GUCY1B1: variants seen among roughly 807,000 people sequenced by gnomAD.
The protein encoded by GUCY1B1 is guanylate cyclase soluble subunit beta-1.
In GUCY1B1, 43 loss-of-function variants were observed where a neutral mutation model predicts 71.0. That is an observed-to-expected ratio of 0.61 (90% CI 0.47 to 0.78). The LOEUF (loss-of-function observed/expected upper bound fraction) is 0.78. Among genes scored for constraint, GUCY1B1 ranks in the 30% least tolerant of loss-of-function variants. GUCY1B1 has a pLI of 0.00. For synonymous variants in GUCY1B1, 266 were observed against 259.7 expected (o/e 1.02, Z -0.23); for missense variants, 535 against 754.1 (o/e 0.71, Z 3.40).
chr4:155,799,027 G>A (rs1739762515), intron 8 of GUCY1B1, among the ~76,000 whole-genome samples: 1 of 152,138 alleles, frequency 6.6e-6, no homozygotes, highest in South Asian at 2.1e-4. Flanking sequence ...TGGTAGAGAC[G>A]CGTTTCACCA....
intron 1 of GUCY1B1, 60 bp downstream of exon 1, chr4:155,759,203 G>C (rs1240586078): frequency 1.3e-6 from 2 of 1,510,076 alleles, no homozygotes; most frequent in East Asian, 5.0e-5. Context: ...GCCTGGCAGC[G>C]AGGGAACTGG....
chr4:155,798,839 C>CATT (rs1554013335), intron 8 of GUCY1B1, among the ~76,000 whole-genome samples: 1 of 151,576 alleles, frequency 6.6e-6, no homozygotes, highest in Non-Finnish European at 1.5e-5. Flanking sequence ...GTTTTGTTGT[C>CATT]GTTGTTGTTG....
At chr4:155,772,104 T>C (rs1187064208) in intron 2 of GUCY1B1, among the ~76,000 whole-genome samples, 1 of 152,214 alleles carries the variant, frequency 6.6e-6, no homozygotes, top group Non-Finnish European at 1.5e-5. Context: ...ACAATGTTTG[T>C]ATATTACGTT....
intron 8 of GUCY1B1, among the ~76,000 whole-genome samples, chr4:155,798,539 C>CT (rs1371568094): frequency 6.6e-6 from 1 of 151,978 alleles, no homozygotes; most frequent in Non-Finnish European, 1.5e-5. Context: ...TTAGTAAAAT[C>CT]TTTGATTGTT....
At chr4:155,767,854 A>T (rs1215044526) in intron 2 of GUCY1B1, among the ~76,000 whole-genome samples, 2 of 151,876 alleles carry the variant, frequency 1.3e-5, no homozygotes, top group Non-Finnish European at 2.9e-5. Flanking sequence ...TTTAGATGTT[A>T]TATATAGTTA....
At chr4:155,768,992 A>G (rs1475036536) in intron 2 of GUCY1B1, among the ~76,000 whole-genome samples, 1 of 152,150 alleles carries the variant, frequency 6.6e-6, no homozygotes, top group Non-Finnish European at 1.5e-5. Context: ...AAAAATGACT[A>G]AGATTTTGTT....
intron 2 of GUCY1B1, among the ~76,000 whole-genome samples, chr4:155,763,224 A>G (rs1737116588): frequency 6.6e-6 from 1 of 152,056 alleles, no homozygotes; most frequent in African/African-American, 2.4e-5. Flanking sequence ...AGCGGAGGGA[A>G]GCAGTTAGAG....
At chr4:155,779,925 C>A (rs1738297557) in intron 4 of GUCY1B1, among the ~76,000 whole-genome samples, 1 of 152,132 alleles carries the variant, frequency 6.6e-6, no homozygotes, top group Non-Finnish European at 1.5e-5. Context: ...TCTTTAGATT[C>A]TATTTCCCAA....
At chr4:155,792,624 C>G (rs1461582834) in intron 5 of GUCY1B1, among the ~76,000 whole-genome samples, 1 of 149,840 alleles carries the variant, frequency 6.7e-6, no homozygotes, top group East Asian at 1.9e-4. Flanking sequence ...GCAGAGAATG[C>G]GACAGGGTAC....
intron 10 of GUCY1B1, 53 bp from the exon 11 acceptor site, chr4:155,803,571 T>C: frequency 7.8e-7 from 1 of 1,282,706 alleles, no homozygotes; most frequent in South Asian, 2.2e-5. Context: ...GGGTAATAAA[T>C]GAAACAGTCT....
chr4:155,795,077 A>G (rs539806320), intron 6 of GUCY1B1, among the ~76,000 whole-genome samples: 3 of 152,250 alleles, frequency 2.0e-5, no homozygotes, highest in Admixed American at 6.5e-5. Flanking sequence ...TGCATTGTAA[A>G]TTTATGCTAG....
At chr4:155,763,055 A>G (rs1737106125) in intron 2 of GUCY1B1, among the ~76,000 whole-genome samples, 1 of 152,204 alleles carries the variant, frequency 6.6e-6, no homozygotes, top group South Asian at 2.1e-4. Context: ...GAAAATAAAT[A>G]AAGTTAGGAG....
intron 8 of GUCY1B1, among the ~76,000 whole-genome samples, chr4:155,799,195 A>C (rs753679621): frequency 5.3e-5 from 8 of 152,206 alleles, no homozygotes; most frequent in Non-Finnish European, 1.2e-4. Context: ...TCACTAAAAT[A>C]ATAAACATTA....
At chr4:155,790,950 C>T (rs1739111788) in intron 5 of GUCY1B1, among the ~76,000 whole-genome samples, 1 of 152,030 alleles carries the variant, frequency 6.6e-6, no homozygotes, top group Admixed American at 6.6e-5. Flanking sequence ...ATGGCGGAAA[C>T]CACGATTACT....
intron 8 of GUCY1B1, among the ~76,000 whole-genome samples, chr4:155,798,508 TAA>T (rs765378014): frequency 2.2e-4 from 34 of 152,348 alleles, no homozygotes; most frequent in Non-Finnish European, 4.0e-4. Context: ...TTAACGAAAT[TAA>T]AAGACACCGT....
At chr4:155,779,442 G>A (rs1738271235) in intron 4 of GUCY1B1, among the ~76,000 whole-genome samples, 1 of 152,144 alleles carries the variant, frequency 6.6e-6, no homozygotes, top group African/African-American at 2.4e-5. Flanking sequence ...ATGTTAAAAT[G>A]TTAATATTTT....
At chr4:155,788,699 G>A (rs1039217712) in intron 4 of GUCY1B1, among the ~76,000 whole-genome samples, 7 of 152,122 alleles carry the variant, frequency 4.6e-5, no homozygotes, top group African/African-American at 1.7e-4. Flanking sequence ...TCTCCATTTT[G>A]CCAGAAGAAA....
intron 12 of GUCY1B1, 129 bp downstream of exon 12, chr4:155,804,876 G>C (rs1740211356): frequency 1.2e-6 from 1 of 832,008 alleles, no homozygotes; most frequent in African/African-American, 1.7e-5. Context: ...TGCTTGTAGA[G>C]TTGTTTACTT....
rs1739990552 is a variant in GUCY1B1 at position 155,802,072 on chromosome 4, G to T, written c.1176-270G>T. 2 of 630,138 alleles carry T rather than the reference G, an allele frequency of 3.2e-6. No homozygotes were observed. The highest frequency in any genetic ancestry group is 3.2e-5 in the Admixed American group (1 of 31,546). 39.0% of individuals were successfully genotyped at this position (630,138 alleles called of 1,614,324 possible). A position where few individuals can be genotyped will look rare whatever the true frequency, so the allele number is the denominator to read the frequency against. ...TTTCTATTACCAGTCTTTTTGTTTTGTCTGTTTGCTTGGCTTATTTTGATT... is the reference window on the plus strand; with the variant it reads ...TTTCTATTACCAGTCTTTTTGTTTTTTCTGTTTGCTTGGCTTATTTTGATT... On this transcript the variant is annotated intron_variant, in intron 9 of 13. Transcript: ENST00000264424. The surrounding 1 kb of genome is among the most constrained non-coding windows in gnomAD (Gnocchi z 4.3).
Sources: gnomAD v4.1 joint callset for allele counts (sites outside exome capture counted in the v4.1 genomes callset) on GRCh38, gnomAD v4.1.1 for gene constraint, Gnocchi (gnomAD v3.1) non-coding constraint, MANE v1.5 for transcripts, NCBI Gene and HGNC (gene_info 2026-07-23, HGNC 2026-07-21) for gene names.